The following ZNF385D variants were observed in gnomAD, a reference collection of about 807,000 sequenced individuals.
The protein encoded by ZNF385D is zinc finger protein 385D, also known as zinc finger protein 659.
A neutral mutation model predicts 35.8 loss-of-function variants in ZNF385D; 15 were observed. The observed-to-expected ratio is 0.42, with a 90% confidence interval of 0.28 to 0.64. ZNF385D has a LOEUF of 0.64. Ranked by LOEUF, ZNF385D falls within the 30% of genes least tolerant of loss-of-function variation. ZNF385D has a pLI of 0.23. For synonymous variants in ZNF385D, 212 were observed against 186.8 expected (o/e 1.13, Z -1.10); for missense variants, 474 against 494.6 (o/e 0.96, Z 0.39).
chr3:22,145,072 T>G (rs1292697527), intron 3 of ZNF385D, among the ~76,000 whole-genome samples: 3 of 151,410 alleles, frequency 2.0e-5, no homozygotes, highest in African/African-American at 7.3e-5. Context: ...TACTACATAC[T>G]TATCAGCAGT....
chr3:21,825,558 A>G (rs1575727007), intron 3 of ZNF385D, among the ~76,000 whole-genome samples: 1 of 152,148 alleles, frequency 6.6e-6, no homozygotes, highest in South Asian at 2.1e-4. Context: ...CATAGGCCCT[A>G]AATTTTCACT....
intron 2 of ZNF385D, among the ~76,000 whole-genome samples, chr3:22,370,555 A>G (rs1418716649): frequency 6.6e-6 from 1 of 152,232 alleles, no homozygotes; most frequent in African/African-American, 2.4e-5. Flanking sequence ...TGAATTTTTC[A>G]TGGAATTAAA....
At chr3:21,598,980 C>A (rs542200757) in intron 2 of ZNF385D, among the ~76,000 whole-genome samples, 1 of 152,114 alleles carries the variant, frequency 6.6e-6, no homozygotes, top group Admixed American at 6.5e-5. Flanking sequence ...AAACTGCTTC[C>A]GATGTTGCAA....
chr3:22,185,290 G>C (rs536461897), intron 2 of ZNF385D, among the ~76,000 whole-genome samples: 9 of 152,158 alleles, frequency 5.9e-5, no homozygotes, highest in Non-Finnish European at 8.8e-5. Context: ...CAAATGTTTA[G>C]ATATAATATT....
At chr3:22,217,307 C>T (rs1559459015) in intron 2 of ZNF385D, among the ~76,000 whole-genome samples, 1 of 152,102 alleles carries the variant, frequency 6.6e-6, no homozygotes, top group Non-Finnish European at 1.5e-5. Context: ...GACATGGGTG[C>T]CCCATCATGC....
At chr3:21,604,428 G>C (rs1370955548) in intron 2 of ZNF385D, among the ~76,000 whole-genome samples, 2 of 152,170 alleles carry the variant, frequency 1.3e-5, no homozygotes, top group African/African-American at 4.8e-5. Flanking sequence ...TTGAAGTTTA[G>C]GAATTTCTAT....
rs141254321 is a variant in ZNF385D at position 22,246,538 on chromosome 3, G to A, written c.107-77503C>T. ...GCACTTCAAAGATATATTTTCTCTT[G>A]CTTCAAAGCCTAGACCTGACTTTGC... On this transcript the variant is annotated intron_variant, in intron 2 of 5. Transcript: ENST00000494108. Among the ~76,000 whole-genome samples the A allele has an allele frequency of 5.5e-4, 83 of 152,190 alleles. No individual in the cohort carries two copies. In the East Asian group the frequency reaches 6.0e-3, roughly 11 times the overall value.
chr3:21,423,128 C>T (rs1288291144), intron 7 of ZNF385D, among the ~76,000 whole-genome samples: 1 of 151,960 alleles, frequency 6.6e-6, no homozygotes, highest in Non-Finnish European at 1.5e-5. Flanking sequence ...TCATAAACAA[C>T]TTCAGCAAAG....
chr3:22,285,734 G>A (rs892433153), intron 2 of ZNF385D, among the ~76,000 whole-genome samples: 28 of 151,888 alleles, frequency 1.8e-4, no homozygotes, highest in Admixed American at 1.1e-3. Context: ...TTCCCTAGTA[G>A]GAAGAAATTT....
intron 3 of ZNF385D, among the ~76,000 whole-genome samples, chr3:21,860,203 GTAAAGAGACAGATAT>G (rs1696972703): frequency 6.6e-6 from 1 of 152,062 alleles, no homozygotes; most frequent in Non-Finnish European, 1.5e-5. Context: ...CACGTTTGCT[GTAAAGAGACAGATAT>G]TAATGTTTTC....
intron 1 of ZNF385D, among the ~76,000 whole-genome samples, chr3:21,740,307 G>A (rs558195489): frequency 2.6e-4 from 39 of 152,270 alleles, no homozygotes; most frequent in African/African-American, 8.7e-4. Flanking sequence ...CCAGTGGGTG[G>A]ACCAGGAACA....
At chr3:22,346,986 C>T (rs1308400808) in intron 2 of ZNF385D, among the ~76,000 whole-genome samples, 8 of 152,204 alleles carry the variant, frequency 5.3e-5, no homozygotes, top group African/African-American at 9.6e-5. Flanking sequence ...AAGTAGTTGA[C>T]CATTTGGGAC....
intron 3 of ZNF385D, among the ~76,000 whole-genome samples, chr3:21,826,718 T>C (rs1011636213): frequency 6.6e-6 from 1 of 151,770 alleles, no homozygotes; most frequent in African/African-American, 2.4e-5. Context: ...GGAGTCTTCC[T>C]GCAGTAATGA....
intron 2 of ZNF385D, among the ~76,000 whole-genome samples, chr3:21,656,353 C>A (rs1385491279): frequency 6.6e-6 from 1 of 152,054 alleles, no homozygotes; most frequent in Non-Finnish European, 1.5e-5. Context: ...AATCCAAGAT[C>A]AAGGTGTCAG....
At chr3:21,949,974 G>C (rs768390290) in intron 3 of ZNF385D, among the ~76,000 whole-genome samples, 1 of 152,052 alleles carries the variant, frequency 6.6e-6, no homozygotes, top group Non-Finnish European at 1.5e-5. Context: ...CATTTGGGTT[G>C]GTTCCAAGTC....
chr3:22,287,344 G>A (rs1020487862), intron 2 of ZNF385D, among the ~76,000 whole-genome samples: 1 of 151,690 alleles, frequency 6.6e-6, no homozygotes, highest in Admixed American at 6.6e-5. Flanking sequence ...CTTTCTTATT[G>A]CAAATCTTAA....
chr3:22,276,657 A>G (rs2125371641), intron 2 of ZNF385D, among the ~76,000 whole-genome samples: 1 of 152,284 alleles, frequency 6.6e-6, no homozygotes, highest in East Asian at 1.9e-4. Context: ...GATTTTACCA[A>G]TCATCATCAT....
At chr3:21,746,455 T>C (rs527575610) in intron 1 of ZNF385D, among the ~76,000 whole-genome samples, 3 of 152,360 alleles carry the variant, frequency 2.0e-5, no homozygotes, top group African/African-American at 7.2e-5. Flanking sequence ...CTTTATGGCT[T>C]TTAAAGTTAT....
intron 2 of ZNF385D, among the ~76,000 whole-genome samples, chr3:22,297,288 A>G (rs1200480606): frequency 6.6e-6 from 1 of 151,970 alleles, no homozygotes; most frequent in African/African-American, 2.4e-5. Flanking sequence ...CCCAAATGAC[A>G]TATCCCAAAT....
Sources: gnomAD v4.1 joint callset for allele counts (sites outside exome capture counted in the v4.1 genomes callset) on GRCh38, gnomAD v4.1.1 for gene constraint, MANE v1.5 for transcripts, NCBI Gene and HGNC (gene_info 2026-07-23, HGNC 2026-07-21) for gene names.